Variants in DIAPH2 observed in about 807,000 individuals in gnomAD.
The protein encoded by DIAPH2 is diaphanous related formin 2.
In DIAPH2, 35 loss-of-function variants were observed where a neutral mutation model predicts 92.7. The ratio of observed to expected loss-of-function variants is 0.38; its 90% CI spans 0.29 to 0.50. The LOEUF (loss-of-function observed/expected upper bound fraction) is 0.50. DIAPH2 is among the 20% of genes least tolerant of loss of function. DIAPH2 has a pLI of 0.94. For missense variants in DIAPH2, 701 were observed against 819.5 expected (o/e 0.86, Z 1.77); for synonymous variants, 301 against 280.4 (o/e 1.07, Z -0.73).
chrX:97,472,982 C>T (rs2070575040), intron 26 of DIAPH2, among the ~76,000 whole-genome samples: 1 of 111,880 alleles, frequency 8.9e-6, no homozygotes, highest in Non-Finnish European at 1.9e-5. Flanking sequence ...CTTTTCTCCA[C>T]TTATATAAGT....
intron 26 of DIAPH2, among the ~76,000 whole-genome samples, chrX:97,455,838 A>G (rs2070398992): frequency 8.9e-6 from 1 of 112,056 alleles, no homozygotes; most frequent in Non-Finnish European, 1.9e-5. Flanking sequence ...TTACTGAATC[A>G]TATGCCTCTG....
intron 17 of DIAPH2, among the ~76,000 whole-genome samples, chrX:97,032,357 CA>C (rs2066381787): frequency 9.0e-6 from 1 of 110,962 alleles, no homozygotes; most frequent in Non-Finnish European, 1.9e-5. Flanking sequence ...AGAAAAAGTA[CA>C]AAATTTGGTT....
At chrX:96,759,898 A>G (rs1447014171) in intron 4 of DIAPH2, among the ~76,000 whole-genome samples, 1 of 111,865 alleles carries the variant, frequency 8.9e-6, no homozygotes, top group Non-Finnish European at 1.9e-5. Flanking sequence ...CAAGTTATAT[A>G]CTGATTTTTC....
At chrX:97,517,314 T>A (rs2070956539) in intron 26 of DIAPH2, among the ~76,000 whole-genome samples, 1 of 112,059 alleles carries the variant, frequency 8.9e-6, no homozygotes, top group Non-Finnish European at 1.9e-5. Context: ...AGAAAAAAAA[T>A]TATTTACAGA....
At chrX:97,038,395 T>A (rs1385459307) in intron 17 of DIAPH2, among the ~76,000 whole-genome samples, 1 of 111,737 alleles carries the variant, frequency 8.9e-6, no homozygotes, top group Non-Finnish European at 1.9e-5. Flanking sequence ...GATTGTTGGA[T>A]CAAATCATAG....
At chrX:97,394,217 C>T (rs2069684975) in intron 25 of DIAPH2, among the ~76,000 whole-genome samples, 1 of 111,642 alleles carries the variant, frequency 9.0e-6, no homozygotes. Flanking sequence ...AGCAGTAAAT[C>T]ACCTCCAATA....
chrX:97,293,822 A>G (rs1315402618), intron 23 of DIAPH2, among the ~76,000 whole-genome samples: 2 of 111,973 alleles, frequency 1.8e-5, no homozygotes, highest in Admixed American at 9.6e-5. Context: ...TCTCTTGTCT[A>G]TCTTTGTTTG....
intron 26 of DIAPH2, among the ~76,000 whole-genome samples, chrX:97,545,867 GA>G (rs1318030061): frequency 9.2e-6 from 1 of 108,922 alleles, no homozygotes; most frequent in Non-Finnish European, 1.9e-5. Context: ...GTCTTAATGG[GA>G]AAAAAAGAAT....
chrX:97,348,468 A>C (rs1486706797), intron 24 of DIAPH2, among the ~76,000 whole-genome samples, 188 bp downstream of exon 24: 1 of 112,060 alleles, frequency 8.9e-6, no homozygotes, highest in Non-Finnish European at 1.9e-5. Flanking sequence ...CTGGCTTAAC[A>C]TAATGTGGAC....
At chrX:97,028,852 A>G (rs770695454) in intron 17 of DIAPH2, among the ~76,000 whole-genome samples, 1 of 111,765 alleles carries the variant, frequency 8.9e-6, no homozygotes, top group East Asian at 2.8e-4. Context: ...GCTGGGTCAT[A>G]TAGTGATTCT....
In DIAPH2 at chrX:96,718,336, G is replaced by GTTTTTTTTTTTTTT. The variant is rs962776012; in HGVS notation, c.133-17397_133-17384dup. 2.7e-4 allele frequency among the ~76,000 whole-genome samples: 3 copies of GTTTTTTTTTTTTTT among 10,987 alleles called. 1 individual carries two copies. Among genetic ancestry groups the GTTTTTTTTTTTTTT allele is most frequent in the Non-Finnish European group, 4.2e-4 (3 of 7,216 alleles). 9.5% of individuals were successfully genotyped at this position (10,987 alleles called of 115,157 possible). ...TGTATATATGTACCACATTTTCTTT[G>GTTTTTTTTTTTTTT]TTTTTTTTTTTTTTTTTTTTTTTTT... On this transcript the variant is annotated intron_variant, in intron 1 of 26. Transcript: ENST00000324765.
chrX:97,310,825 A>G (rs1335374847), intron 23 of DIAPH2, among the ~76,000 whole-genome samples: 1 of 111,068 alleles, frequency 9.0e-6, no homozygotes, highest in Non-Finnish European at 1.9e-5. Flanking sequence ...CCTGGCCAAC[A>G]TGGTGAAACC....
Position 97,601,924 on chromosome X carries a change from T to G in DIAPH2, c.*2607T>G, listed in dbSNP as rs967706281. 8.9e-6 allele frequency: 1 copy of G among 112,290 alleles called. No homozygotes were observed. The highest frequency in any genetic ancestry group is 3.2e-5 in the African/African-American group (1 of 30,873). The allele number at this position is 112,290 out of a possible 1,213,427, so 9.3% of individuals were successfully genotyped here. On this transcript the variant is annotated 3_prime_UTR_variant, in exon 27 of 27. Transcript: ENST00000324765. ...GTGGCTATTGGCATTTTTTGGCTTA[T>G]GGCCACATTTCTCTTTCTGCTGTGT...
At chrX:96,728,930 A>G (rs1196451942) in intron 1 of DIAPH2, among the ~76,000 whole-genome samples, 1 of 112,550 alleles carries the variant, frequency 8.9e-6, no homozygotes, top group Non-Finnish European at 1.9e-5. Context: ...AAGGTTGACA[A>G]TGCGCTTGTG....
intron 22 of DIAPH2, among the ~76,000 whole-genome samples, chrX:97,163,535 A>G (rs550446604): frequency 1.4e-3 from 154 of 111,853 alleles, no homozygotes; most frequent in Non-Finnish European, 2.4e-3. Flanking sequence ...AAGGCATTGA[A>G]GTTTCACCTT....
intron 17 of DIAPH2, among the ~76,000 whole-genome samples, chrX:97,036,767 A>C (rs1944914932): frequency 8.9e-6 from 1 of 112,153 alleles, no homozygotes; most frequent in Admixed American, 9.4e-5. Context: ...GATGGGTCGT[A>C]AATCAGACTA....
chrX:97,221,558 A>G (rs1388509743), intron 22 of DIAPH2, among the ~76,000 whole-genome samples: 1 of 111,791 alleles, frequency 8.9e-6, no homozygotes, highest in African/African-American at 3.2e-5. Flanking sequence ...TAAAAATACT[A>G]TTTGCACAAA....
chrX:96,968,909 A>G lies in DIAPH2; in HGVS notation c.2050+3702A>G, dbSNP rs189159475. Among the ~76,000 whole-genome samples the G allele has an allele frequency of 7.1e-5, 8 of 112,527 alleles. No individual in the cohort carries two copies. The East Asian group carries it at 2.2e-3, about 32-fold the overall frequency. ...ATTTTGACTTTTTGTGTATGGTAAA[A>G]GAGAGGCTTTCGGTTTTGTTCTTCT... On this transcript the variant is annotated intron_variant, in intron 17 of 26. Transcript: ENST00000324765.
intron 25 of DIAPH2, among the ~76,000 whole-genome samples, chrX:97,406,976 AAG>A (rs748512157): frequency 2.7e-5 from 3 of 111,833 alleles, no homozygotes; most frequent in South Asian, 7.4e-4. Context: ...TTACATAAAA[AAG>A]AGTAAAAATA....
Sources: gnomAD v4.1 joint callset for allele counts (sites outside exome capture counted in the v4.1 genomes callset) on GRCh38, gnomAD v4.1.1 for gene constraint, MANE v1.5 for transcripts, NCBI Gene and HGNC (gene_info 2026-07-23, HGNC 2026-07-21) for gene names.